The following TSKS variants were observed in gnomAD, a reference collection of about 807,000 sequenced individuals.
TSKS encodes the protein testis specific serine kinase substrate.
Under a neutral mutation model 68.0 loss-of-function variants are expected in TSKS, and 27 were observed. The ratio of observed to expected loss-of-function variants is 0.40; its 90% CI spans 0.29 to 0.55. The LOEUF is 0.55. Among genes scored for constraint, TSKS ranks in the 20% least tolerant of loss-of-function variants. The probability of loss-of-function intolerance (pLI) is 0.53; values close to 1 mark genes in which losing one functional copy is unlikely to be tolerated. For synonymous variants in TSKS, 331 were observed against 340.4 expected (o/e 0.97, Z 0.30); for missense variants, 806 against 776.0 (o/e 1.04, Z -0.46).
At chr19:49,740,451 A>G (rs1052398603) in intron 9 of TSKS, 18 of 455,702 alleles carry the variant, frequency 3.9e-5, no homozygotes, top group Non-Finnish European at 7.1e-5. Flanking sequence ...ATCAGTGCCT[A>G]TCGTCTGTCT....
At position 49,745,348 on chromosome 19, in the gene TSKS, C is replaced by T. The variant is rs923211595; in HGVS notation, c.1041G>A (p.Ala347=). 7 of 1,596,210 alleles carry T rather than the reference C, an allele frequency of 4.4e-6. No homozygotes were observed. Among genetic ancestry groups the T allele is most frequent in the South Asian group, 3.3e-5 (3 of 89,750 alleles). ...CGAGCAGCCGCAGGGCTTCCTGCAC[C>T]GCCCCCTCCTCCTGATGCCACCGGG... ...LTARWHQEEG[A]VQEALRLLGG... is the part of the protein sequence containing the mutation. The change falls in exon 7 of 11, where the codon GCG becomes GCA. Residue 347 remains alanine (A), a synonymous_variant. Transcript: ENST00000246801.
At chr19:49,753,661 G>A (rs554576468) in intron 2 of TSKS, among the ~76,000 whole-genome samples, 155 of 150,070 alleles carry the variant, frequency 1.0e-3, no homozygotes, top group Middle Eastern at 3.5e-3. Context: ...GCTGAGGCAG[G>A]AGGATCCCTT....
intron 4 of TSKS, among the ~76,000 whole-genome samples, 192 bp downstream of exon 4, chr19:49,747,893 G>A (rs1271490936): frequency 6.6e-6 from 1 of 152,118 alleles, no homozygotes; most frequent in Non-Finnish European, 1.5e-5. Context: ...ATTTTTAGTA[G>A]AGATGGGGTT....
intron 2 of TSKS, among the ~76,000 whole-genome samples, chr19:49,754,082 C>T (rs1187077270): frequency 2.0e-5 from 3 of 150,936 alleles, no homozygotes; most frequent in Admixed American, 6.6e-5. Flanking sequence ...ATGGGGGTTT[C>T]ACCATATTGG....
intron 2 of TSKS, among the ~76,000 whole-genome samples, chr19:49,749,947 G>C: frequency 6.7e-6 from 1 of 150,034 alleles, no homozygotes; most frequent in East Asian, 1.9e-4. Flanking sequence ...TTTTTTTTTA[G>C]CCTACATCAT....
intron 2 of TSKS, among the ~76,000 whole-genome samples, chr19:49,757,237 G>A (rs1401239835): frequency 1.3e-5 from 2 of 152,176 alleles, no homozygotes; most frequent in Non-Finnish European, 2.9e-5. Context: ...CCAAGGGCAG[G>A]TGAGTGCCCC....
In TSKS at chr19:49,740,148, C is replaced by T. The variant is rs1233890763; in HGVS notation, c.1533G>A (p.Arg511=). Residue 511 remains arginine (R), a synonymous_variant, in exon 10 of 11, where the codon AGG becomes AGA. Coordinates refer to ENST00000246801, the MANE Select transcript of TSKS (RefSeq NM_021733.2). ...LERQALAKHV[R]AEALSSTLRL... ...GAAGGGTGGAGCTCAGGGCCTCTGC[C>T]CTGACGTGTTTGGCTAAGGCCTGGC... 1.2e-6 allele frequency: 2 copies of T among 1,613,984 alleles called. No individual in the cohort carries two copies. The highest frequency in any genetic ancestry group is 1.1e-5 in the South Asian group (1 of 91,066).
chr19:49,752,846 C>T (rs540507562), intron 2 of TSKS, among the ~76,000 whole-genome samples: 1 of 152,310 alleles, frequency 6.6e-6, no homozygotes, highest in East Asian at 1.9e-4. Flanking sequence ...TGAGAAGGCC[C>T]CAAGCTTTTC....
Position 49,739,832 on chromosome 19 carries a change from C to T in TSKS, c.1723G>A (p.Gly575Arg), listed in dbSNP as rs2084236127. The change falls in exon 11 of 11, where the codon GGA becomes AGA. Residue 575 changes from glycine to arginine, a missense_variant. Transcript: ENST00000246801. ...PLEGSTGTMGGGSSAGTPPKQ... is the reference protein window; with the variant it reads ...PLEGSTGTMGRGSSAGTPPKQ... Reference sequence around the variant, plus strand: ...GGGGGGGTTCCTGCACTGCTGCCTCCCCCCATTGTTCCCGTGGACCCCTCA... The same window carrying T: ...GGGGGGGTTCCTGCACTGCTGCCTCTCCCCATTGTTCCCGTGGACCCCTCA... The T allele has an allele frequency of 1.2e-6, 2 of 1,612,472 alleles. No homozygotes were observed. Among genetic ancestry groups the T allele is most frequent in the East Asian group, 4.5e-5 (2 of 44,854 alleles).
At chr19:49,753,329 G>A (rs1037334799) in intron 2 of TSKS, among the ~76,000 whole-genome samples, 10 of 152,004 alleles carry the variant, frequency 6.6e-5, no homozygotes, top group Non-Finnish European at 1.2e-4. Context: ...TTGGGAGGCC[G>A]AGGCGGGTGG....
In TSKS at chr19:49,760,036, A is replaced by G. The variant is rs559165481; in HGVS notation, c.399+1968T>C. ...GGTGTGGTGGCGCTCTTGTAATCCCAGCTACTTGGAAGGCTGAGGTGGGAG... is the reference window on the plus strand; with the variant it reads ...GGTGTGGTGGCGCTCTTGTAATCCCGGCTACTTGGAAGGCTGAGGTGGGAG... On this transcript the variant is annotated intron_variant, in intron 2 of 10. Transcript: ENST00000246801. Among the ~76,000 whole-genome samples, 3 of 152,062 alleles carry G rather than the reference A, an allele frequency of 2.0e-5. No homozygotes were observed. In the East Asian group the frequency reaches 5.8e-4, roughly 29 times the overall value.
chr19:49,746,400 CT>C, intron 6 of TSKS, 69 bp downstream of exon 6: 3 of 1,571,146 alleles, frequency 1.9e-6, no homozygotes, highest in Non-Finnish European at 2.6e-6. Flanking sequence ...CCCACCGCAT[CT>C]CCTCGAGGCT....
intron 9 of TSKS, chr19:49,740,428 C>T (rs1324657674): frequency 9.7e-6 from 5 of 513,134 alleles, no homozygotes; most frequent in Non-Finnish European, 1.4e-5. Flanking sequence ...ACCTATGTCC[C>T]AGCAAGCACT....
rs769681341 is a variant in TSKS at position 49,763,079 on chromosome 19, C to T, written c.169G>A (p.Gly57Arg). The stretch of plus-strand genomic sequence containing the variant: ...CCTGACAGTGTGCAACAAACCCACC[C>T]GTGGAACGACACGGCCTTCTTTTTC... ...PKKKKAVSFH[G>R]VEPQMSHQPM... Residue 57 changes from glycine to arginine, a missense_variant and splice_region_variant, in exon 1 of 11, where the codon GGG becomes AGG. Gly to Arg is a moderately radical substitution (Grantham distance 125, BLOSUM62 -2). Transcript: ENST00000246801. The surrounding 1 kb of genome is among the most constrained non-coding windows in gnomAD (Gnocchi z 4.5). The T allele has an allele frequency of 9.9e-6, 16 of 1,611,180 alleles. No homozygotes were observed. The highest frequency in any genetic ancestry group is 1.3e-5 in the African/African-American group (1 of 74,764).
chr19:49,763,135 C>G lies in TSKS; in HGVS notation c.113G>C (p.Arg38Thr). The change falls in exon 1 of 11, where the codon AGG becomes ACG. Residue 38 changes from arginine to threonine, a missense_variant. Coordinates refer to ENST00000246801, the MANE Select transcript of TSKS (RefSeq NM_021733.2). This position sits in a 1 kb window ranked among gnomAD's most constrained non-coding sequence, Gnocchi z 4.5. ...CSQLVPEAPR[R>T]VTSRAKGIPK... ...GATCCCCTTGGCCCGGCTGGTCACC[C>G]TCCGGGGAGCCTCTGGGACTAGCTG... is the stretch of plus-strand genomic sequence containing the variant. 6 of 1,611,962 alleles carry G rather than the reference C, an allele frequency of 3.7e-6. No individual in the cohort carries two copies. The highest frequency in any genetic ancestry group is 5.1e-6 in the Non-Finnish European group (6 of 1,178,994).
At chr19:49,759,032 T>C (rs1384274740) in intron 2 of TSKS, among the ~76,000 whole-genome samples, 2 of 151,894 alleles carry the variant, frequency 1.3e-5, no homozygotes, top group Non-Finnish European at 2.9e-5. Flanking sequence ...TAATTGTATA[T>C]TTTTAGTAGA....
chr19:49,753,363 C>G (rs1013695244), intron 2 of TSKS, among the ~76,000 whole-genome samples: 1 of 151,924 alleles, frequency 6.6e-6, no homozygotes, highest in Non-Finnish European at 1.5e-5. Context: ...GAGATCGAGA[C>G]CATCCTGGCT....
chr19:49,762,319 CTGTGA>C, intron 1 of TSKS, 87 bp from the exon 2 acceptor site: 1 of 940,618 alleles, frequency 1.1e-6, no homozygotes, highest in Non-Finnish European at 1.6e-6. Flanking sequence ...ACCTCACCCC[CTGTGA>C]CTCCACCCTC....
At chr19:49,741,854 G>T (rs371602822) in intron 9 of TSKS, 31 bp downstream of exon 9, 4 of 1,613,866 alleles carry the variant, frequency 2.5e-6, no homozygotes, top group Non-Finnish European at 3.4e-6. Flanking sequence ...GAAAAGTAAA[G>T]TGGGACATGG....
Sources: gnomAD v4.1 joint callset for allele counts (sites outside exome capture counted in the v4.1 genomes callset) on GRCh38, gnomAD v4.1.1 for gene constraint, Gnocchi (gnomAD v3.1) non-coding constraint, MANE v1.5 for transcripts, NCBI Gene and HGNC (gene_info 2026-07-23, HGNC 2026-07-21) for gene names.